KHSRP: variants seen among roughly 807,000 people sequenced by gnomAD.
KHSRP encodes the protein KH-type splicing regulatory protein.
KHSRP carries 13 observed loss-of-function variants against 94.9 expected under a neutral mutation model. That is an observed-to-expected ratio of 0.14 (90% CI 0.09 to 0.22). The LOEUF (loss-of-function observed/expected upper bound fraction) is 0.22, where lower values mean the gene tolerates loss of function less well. Ranked by LOEUF, KHSRP falls within the 10% of genes least tolerant of loss-of-function variation. The pLI, the probability that KHSRP is intolerant of heterozygous loss-of-function variation, is 1.00. For missense variants in KHSRP, 710 were observed against 1,010.0 expected (o/e 0.70, Z 4.03); for synonymous variants, 495 against 401.4 (o/e 1.23, Z -2.79).
chr19:6,414,697 G>A lies in KHSRP; in HGVS notation c.*327C>T, dbSNP rs943624652. 3.9e-6 allele frequency: 4 copies of A among 1,023,872 alleles called. No individual in the cohort carries two copies. The highest frequency in any genetic ancestry group is 4.7e-6 in the Non-Finnish European group (4 of 855,762). The allele number at this position is 1,023,872 out of a possible 1,614,324, so 63.4% of individuals were successfully genotyped here. On this transcript the variant is annotated 3_prime_UTR_variant, in exon 19 of 19. Coordinates refer to ENST00000600480, the MANE Select transcript of KHSRP (RefSeq NM_001366299.1). ...AAGATCATGGGTTTAAAAAATAAAA[G>A]AATAAAAAGAACAAAAACCAAAAAA...
chr19:6,413,474 C>T lies in KHSRP; in HGVS notation c.*1550G>A, dbSNP rs2092115269. 2.7e-6 allele frequency: 1 copy of T among 371,166 alleles called. No homozygotes were observed. The highest frequency in any genetic ancestry group is 5.4e-6 in the Non-Finnish European group (1 of 185,568). The allele number at this position is 371,166 out of a possible 1,614,324, so 23.0% of individuals were successfully genotyped here. The stretch of plus-strand genomic sequence containing the variant: ...ATCTCCTCTTGAACAGATGAAAAGA[C>T]AACAGACCAGTCCTGGGAGGGGGGA... On this transcript the variant is annotated 3_prime_UTR_variant, in exon 19 of 19. Transcript: ENST00000600480.
At chr19:6,420,388 G>C (rs374456222) in intron 5 of KHSRP, 34 bp downstream of exon 5, 19 of 1,606,478 alleles carry the variant, frequency 1.2e-5, no homozygotes, top group Non-Finnish European at 1.2e-5. Flanking sequence ...CTGGGGAAGA[G>C]TGGGCCTCCC....
At chr19:6,419,397 C>A in intron 6 of KHSRP, 137 bp from the exon 7 acceptor site, 1 of 718,084 alleles carries the variant, frequency 1.4e-6, no homozygotes, top group Non-Finnish European at 2.2e-6. Context: ...GTTTACTTCC[C>A]CTAAACACCT....
intron 1 of KHSRP, 118 bp downstream of exon 1, chr19:6,424,335 C>G (rs1277544561): frequency 3.1e-6 from 1 of 319,226 alleles, no homozygotes; most frequent in Non-Finnish European, 4.5e-6. Context: ...CCCACGTGAC[C>G]CCGCGACGGC....
intron 3 of KHSRP, 114 bp from the exon 4 acceptor site, chr19:6,421,431 C>A: frequency 8.7e-7 from 1 of 1,151,360 alleles, no homozygotes; most frequent in Non-Finnish European, 1.3e-6. Context: ...CAGCCTGCTC[C>A]AGTGCCTCAT....
chr19:6,416,905 G>GGAT (rs760370098), intron 12 of KHSRP, 23 bp from the exon 13 acceptor site: 70 of 1,612,270 alleles, frequency 4.3e-5, no homozygotes, highest in Non-Finnish European at 5.8e-5. Flanking sequence ...AGGAGGAGGA[G>GGAT]GATGATGAAC....
In KHSRP at chr19:6,418,448, C is replaced by A; in HGVS notation, c.879+35G>T. 6.4e-7 allele frequency: 1 copy of A among 1,557,906 alleles called. No homozygotes were observed. The highest frequency in any genetic ancestry group is 1.4e-5 in the African/African-American group (1 of 73,924). ...GCCCTGCCCACCTGCCCGTGCCTCT[C>A]CAGAACCCCCTCCACCACCCCAGGG... On this transcript the variant is annotated intron_variant, in intron 9 of 18. Transcript: ENST00000600480. The surrounding 1 kb of genome is among the most constrained non-coding windows in gnomAD (Gnocchi z 4.3).
chr19:6,422,330 A>AG lies in KHSRP; in HGVS notation c.346+9dup, dbSNP rs751611500. 8.8e-6 allele frequency: 14 copies of AG among 1,594,244 alleles called. No homozygotes were observed. The highest frequency in any genetic ancestry group is 1.2e-5 in the Non-Finnish European group (14 of 1,161,988). Reference sequence around the variant, plus strand: ...TTCCTCCTAAGCTAAAGGCAGCAGCAGGGAGTTACCTCCATCTTCCAACTG... The same window carrying AG: ...TTCCTCCTAAGCTAAAGGCAGCAGCAGGGGAGTTACCTCCATCTTCCAACTG... On this transcript the variant is annotated intron_variant, in intron 2 of 18. Coordinates refer to ENST00000600480, the MANE Select transcript of KHSRP (RefSeq NM_001366299.1).
Position 6,414,904 on chromosome 19 carries a change from AG to A in KHSRP, c.*119del. On this transcript the variant is annotated 3_prime_UTR_variant, in exon 19 of 19. Transcript: ENST00000600480. The stretch of plus-strand genomic sequence containing the variant: ...CCCCAGCATCACGACAGCGGCACAC[AG>A]GAACAAGCAGCCGGCGCAGGGAGGC... 9 of 1,384,494 alleles carry A rather than the reference AG, an allele frequency of 6.5e-6. No individual in the cohort carries two copies. The East Asian group carries it at 1.4e-4, about 21-fold the overall frequency. 85.8% of individuals were successfully genotyped at this position (1,384,494 alleles called of 1,614,324 possible).
At position 6,417,106 on chromosome 19, in the gene KHSRP, G is replaced by A. The variant is rs760552007; in HGVS notation, c.1082-19C>T. 1.5e-5 allele frequency: 24 copies of A among 1,580,502 alleles called. No individual in the cohort carries two copies. In the East Asian group the frequency reaches 2.9e-4, roughly 19 times the overall value. On this transcript the variant is annotated intron_variant, in intron 11 of 18. Transcript: ENST00000600480. ...CCGTCATCTGAGGCCAGCACCGAGAGAGCAGAGACACAAGTTTAAAAGAAG... is the reference window on the plus strand; with the variant it reads ...CCGTCATCTGAGGCCAGCACCGAGAAAGCAGAGACACAAGTTTAAAAGAAG...
intron 15 of KHSRP, among the ~76,000 whole-genome samples, 160 bp from the exon 16 acceptor site, chr19:6,416,056 G>A (rs2092143325): frequency 6.6e-6 from 1 of 152,232 alleles, no homozygotes; most frequent in African/African-American, 2.4e-5. Context: ...GCAACTCGAA[G>A]GACGCGCAGC....
chr19:6,419,154 G>C lies in KHSRP; in HGVS notation c.605+49C>G, dbSNP rs749381312. On this transcript the variant is annotated intron_variant, in intron 7 of 18. Transcript: ENST00000600480. ...CTTTCAATTCAAACGGACAGAGCAG[G>C]CTTCTGCCTGCCCCCCACATCACAA... is the stretch of plus-strand genomic sequence containing the variant. 3.3e-6 allele frequency: 5 copies of C among 1,518,338 alleles called. No individual in the cohort carries two copies. The East Asian group carries it at 1.2e-4, about 37-fold the overall frequency. The allele number at this position is 1,518,338 out of a possible 1,614,324, so 94.1% of individuals were successfully genotyped here.
Position 6,419,275 on chromosome 19 carries a change from T to G in KHSRP, c.548-15A>C, listed in dbSNP as rs776637765. ...GCCACCGCTGTCTGAAAAGAGGAGA[T>G]AGAGTCAGTGCCCTCCCTGGCCCAC... On this transcript the variant is annotated splice_polypyrimidine_tract_variant and intron_variant, in intron 6 of 18. Transcript: ENST00000600480. 7 of 1,558,848 alleles carry G rather than the reference T, an allele frequency of 4.5e-6. No individual in the cohort carries two copies. Among genetic ancestry groups the G allele is most frequent in the Non-Finnish European group, 6.1e-6 (7 of 1,152,818 alleles).
chr19:6,418,973 G>T lies in KHSRP; in HGVS notation c.606-97C>A. On this transcript the variant is annotated intron_variant, in intron 7 of 18. Coordinates refer to ENST00000600480, the MANE Select transcript of KHSRP (RefSeq NM_001366299.1). The surrounding 1 kb of genome is among the most constrained non-coding windows in gnomAD (Gnocchi z 4.3). ...AGCTCAAAGGGAAGGCGACCCCAGA[G>T]TGTGCAAGGATGACAGGGAAGAGGG... The T allele has an allele frequency of 1.5e-6, 2 of 1,319,340 alleles. No individual in the cohort carries two copies. The highest frequency in any genetic ancestry group is 1.0e-6 in the Non-Finnish European group (1 of 988,566). The allele number at this position is 1,319,340 out of a possible 1,614,324, so 81.7% of individuals were successfully genotyped here. A position where few individuals can be genotyped will look rare whatever the true frequency, so the allele number is the denominator to read the frequency against.
rs750070610 is a variant in KHSRP, at chr19:6,417,722, G to A, written c.1081+17C>T. 7 of 1,606,362 alleles carry A rather than the reference G, an allele frequency of 4.4e-6. No homozygotes were observed. Among genetic ancestry groups the A allele is most frequent in the Non-Finnish European group, 4.3e-6 (5 of 1,173,438 alleles). On this transcript the variant is annotated intron_variant, in intron 11 of 18. Transcript: ENST00000600480. ...TGGGGGTGCACTGGCCAGGGGCAGG[G>A]TGGGCCAGGCCCTGACCTTGCTTGA...
chr19:6,420,475 TAA>T lies in KHSRP; in HGVS notation c.426-6_426-5del. The stretch of plus-strand genomic sequence containing the variant: ...GTACTCTTCTGTCATTGAAGTCCTG[TAA>T]AGAGACACGCCAAAGGTCAGTCCTC... On this transcript the variant is annotated splice_region_variant and splice_polypyrimidine_tract_variant and intron_variant, in intron 4 of 18. Coordinates refer to ENST00000600480, the MANE Select transcript of KHSRP (RefSeq NM_001366299.1). 6.2e-7 allele frequency: 1 copy of T among 1,613,798 alleles called. No individual in the cohort carries two copies. Among genetic ancestry groups the T allele is most frequent in the Non-Finnish European group, 8.5e-7 (1 of 1,179,768 alleles).
intron 6 of KHSRP, among the ~76,000 whole-genome samples, 191 bp from the exon 7 acceptor site, chr19:6,419,451 G>A (rs771558223): frequency 3.9e-5 from 6 of 152,210 alleles, no homozygotes; most frequent in Non-Finnish European, 7.3e-5. Context: ...AGAGATCCCA[G>A]AAGGGAGGTA....
Position 6,418,153 on chromosome 19 carries a change from G to T in KHSRP, c.880-74C>A. On this transcript the variant is annotated intron_variant, in intron 9 of 18. Coordinates refer to ENST00000600480, the MANE Select transcript of KHSRP (RefSeq NM_001366299.1). This position sits in a 1 kb window ranked among gnomAD's most constrained non-coding sequence, Gnocchi z 4.3. The stretch of plus-strand genomic sequence containing the variant: ...CACCCCCCCACCTCCTCGGGGGTGC[G>T]GGCCTCAACTAAGGACCCACGAACC... 3 of 1,362,516 alleles carry T rather than the reference G, an allele frequency of 2.2e-6. No homozygotes were observed. The highest frequency in any genetic ancestry group is 3.1e-6 in the Non-Finnish European group (3 of 962,000). 84.4% of individuals were successfully genotyped at this position (1,362,516 alleles called of 1,614,324 possible). A position where few individuals can be genotyped will look rare whatever the true frequency, so the allele number is the denominator to read the frequency against.
chr19:6,415,833 C>A lies in KHSRP; in HGVS notation c.1662G>T (p.Trp554Cys). The stretch of plus-strand genomic sequence containing the variant: ...TTGGGTCATGAGGAGCAGGCGGCTG[C>A]CACTGGGGGTAGGTATTGCCCCAGC... ...PQGWGNTYPQ[W>C]QPPAPHDPSK... Residue 554 changes from tryptophan to cysteine, a missense_variant, in exon 16 of 19, where the codon TGG (tryptophan) becomes TGT (cysteine). Trp to Cys is a radical substitution (Grantham distance 215). Coordinates refer to ENST00000600480, the MANE Select transcript of KHSRP (RefSeq NM_001366299.1). 6.3e-7 allele frequency: 1 copy of A among 1,575,736 alleles called. No homozygotes were observed. The highest frequency in any genetic ancestry group is 8.6e-7 in the Non-Finnish European group (1 of 1,161,560).
Sources: gnomAD v4.1 joint callset for allele counts (sites outside exome capture counted in the v4.1 genomes callset) on GRCh38, gnomAD v4.1.1 for gene constraint, Gnocchi (gnomAD v3.1) non-coding constraint, MANE v1.5 for transcripts, NCBI Gene and HGNC (gene_info 2026-07-23, HGNC 2026-07-21) for gene names.